The following MGMT variants were observed in gnomAD, a reference collection of about 807,000 sequenced individuals.
MGMT encodes O-6-methylguanine-DNA methyltransferase.
Under a neutral mutation model 15.9 loss-of-function variants are expected in MGMT, and 14 were observed. The ratio of observed to expected loss-of-function variants is 0.88; its 90% CI spans 0.58 to 1.37. The LOEUF is 1.37. Among genes scored for constraint, MGMT ranks in the 40% most tolerant of loss-of-function variants. The pLI is 0.00. For missense variants in MGMT, 282 were observed against 268.1 expected (o/e 1.05, Z -0.36); for synonymous variants, 130 against 118.2 (o/e 1.10, Z -0.65).
intron 3 of MGMT, among the ~76,000 whole-genome samples, chr10:129,730,211 G>A (rs771030456): frequency 3.3e-5 from 5 of 152,104 alleles, no homozygotes; most frequent in Admixed American, 2.0e-4. Context: ...AACCATTGGC[G>A]CATTGAGCAT....
At position 129,673,207 on chromosome 10, in the gene MGMT, C is replaced by T. The variant is rs183807942; in HGVS notation, c.126-34688C>T. On this transcript the variant is annotated intron_variant, in intron 2 of 4. Coordinates refer to ENST00000651593, the MANE Select transcript of MGMT (RefSeq NM_002412.5). ...TCCTGTGCTGCTGTTTCCTCCTGTA[C>T]GCTGGCCCAAAATTGTCGCTGTCTG... 2.9e-3 allele frequency among the ~76,000 whole-genome samples: 447 copies of T among 152,214 alleles called. 2 individuals carry two copies. Among genetic ancestry groups the T allele is most frequent in the African/African-American group, 0.01 (427 of 41,532 alleles).
chr10:129,496,502 A>G (rs529663253), intron 1 of MGMT, among the ~76,000 whole-genome samples: 1 of 152,326 alleles, frequency 6.6e-6, no homozygotes, highest in Admixed American at 6.5e-5. Context: ...TCTGGCTTCC[A>G]TATAAAAATG....
At chr10:129,499,925 G>A (rs1274546132) in intron 1 of MGMT, among the ~76,000 whole-genome samples, 1 of 152,200 alleles carries the variant, frequency 6.6e-6, no homozygotes, top group Admixed American at 6.5e-5. Context: ...TTGGATATAT[G>A]CGTGAAATAA....
At chr10:129,749,871 T>G (rs1411920037) in intron 3 of MGMT, among the ~76,000 whole-genome samples, 1 of 152,126 alleles carries the variant, frequency 6.6e-6, no homozygotes, top group Non-Finnish European at 1.5e-5. Context: ...AAAGACAAAT[T>G]ATGTTAAATA....
Position 129,538,885 on chromosome 10 carries a change from C to T in MGMT, c.125+2508C>T, listed in dbSNP as rs1027584803. 9.8e-5 allele frequency among the ~76,000 whole-genome samples: 15 copies of T among 152,300 alleles called. 1 individual carries two copies. The highest frequency in any genetic ancestry group is 1.3e-4 in the Non-Finnish European group (9 of 68,036). On this transcript the variant is annotated intron_variant, in intron 2 of 4. Transcript: ENST00000651593. ...TCCTGACCTTGTGATCTGCCTGCCT[C>T]GGCCTCCCAAAGTACTGGGATTACA...
intron 3 of MGMT, among the ~76,000 whole-genome samples, chr10:129,710,218 G>C (rs937531784): frequency 6.6e-6 from 1 of 152,186 alleles, no homozygotes; most frequent in African/African-American, 2.4e-5. Flanking sequence ...ACTGGTAAAG[G>C]CTGTCTGGCT....
At chr10:129,766,688 G>GGTGGGCACA in intron 4 of MGMT, 100 bp from the exon 5 acceptor site, 1 of 1,085,198 alleles carries the variant, frequency 9.2e-7, no homozygotes, top group Non-Finnish European at 1.3e-6. Flanking sequence ...GCCCCTGCTT[G>GGTGGGCACA]GTGGGCACAG....
Position 129,746,081 on chromosome 10 carries a change from C to CA in MGMT, c.275-13113dup, listed in dbSNP as rs946612932. Among the ~76,000 whole-genome samples the CA allele has an allele frequency of 6.6e-5, 10 of 151,202 alleles. No individual in the cohort carries two copies. The East Asian group carries it at 9.7e-4, about 15-fold the overall frequency. ...AAACCCTGTCTCTACTAAAAAAATA[C>CA]AAAAAAAATTAGCCAGGCGTGGTGG... On this transcript the variant is annotated intron_variant, in intron 3 of 4. Transcript: ENST00000651593.
chr10:129,661,056 T>C (rs529977265), intron 2 of MGMT, among the ~76,000 whole-genome samples: 1 of 152,334 alleles, frequency 6.6e-6, no homozygotes, highest in South Asian at 2.1e-4. Flanking sequence ...TCCCTGTTCT[T>C]ACCTGCCTTT....
At chr10:129,489,461 C>T (rs1398697824) in intron 1 of MGMT, among the ~76,000 whole-genome samples, 1 of 150,558 alleles carries the variant, frequency 6.6e-6, no homozygotes, top group African/African-American at 2.4e-5. Flanking sequence ...GGGGCCTTTG[C>T]TCATCCATTC....
At chr10:129,575,185 T>C (rs1846465663) in intron 2 of MGMT, among the ~76,000 whole-genome samples, 2 of 152,168 alleles carry the variant, frequency 1.3e-5, no homozygotes, top group Non-Finnish European at 2.9e-5. Flanking sequence ...CAAGCGGACC[T>C]AATAGACATC....
intron 2 of MGMT, among the ~76,000 whole-genome samples, chr10:129,595,719 T>G (rs972764998): frequency 2.2e-4 from 33 of 152,216 alleles, no homozygotes; most frequent in African/African-American, 7.7e-4. Context: ...TTCCAGGTGA[T>G]TTTTCAAATC....
intron 2 of MGMT, among the ~76,000 whole-genome samples, chr10:129,548,993 A>AT (rs1273105375): frequency 2.5e-4 from 38 of 152,226 alleles, no homozygotes; most frequent in African/African-American, 9.2e-4. Flanking sequence ...TCTATAATTG[A>AT]TGTCATAAAT....
intron 3 of MGMT, among the ~76,000 whole-genome samples, chr10:129,729,513 G>A (rs144992264): frequency 1.1e-3 from 175 of 152,242 alleles, no homozygotes; most frequent in African/African-American, 3.7e-3. Context: ...CGTTGGAGCC[G>A]GATTCCATCA....
intron 2 of MGMT, among the ~76,000 whole-genome samples, chr10:129,638,429 C>CAAAAAAAAAAAAAAAAAGAAAAA: frequency 1.6e-5 from 1 of 61,756 alleles, no homozygotes; most frequent in Non-Finnish European, 3.3e-5. Context: ...ACCAAAGAGG[C>CAAAAAAAAAAAAAAAAAGAAAAA]AAAAAAAAAA....
At chr10:129,681,930 A>G (rs1231461132) in intron 2 of MGMT, among the ~76,000 whole-genome samples, 3 of 152,190 alleles carry the variant, frequency 2.0e-5, no homozygotes, top group Admixed American at 6.5e-5. Context: ...TGGACAAACA[A>G]TCTGAACAGA....
chr10:129,507,558 G>C (rs1845638518), intron 1 of MGMT, among the ~76,000 whole-genome samples: 1 of 152,156 alleles, frequency 6.6e-6, no homozygotes, highest in African/African-American at 2.4e-5. Context: ...CCCCAGGAGT[G>C]AGCTCTGCAG....
At chr10:129,488,002 T>TACACACACACACAC (rs1491199847) in intron 1 of MGMT, among the ~76,000 whole-genome samples, 1 of 75,786 alleles carries the variant, frequency 1.3e-5, no homozygotes, top group African/African-American at 4.3e-5. Flanking sequence ...CACACATAGG[T>TACACACACACACAC]ATACACACAC....
Position 129,705,254 on chromosome 10 carries a change from C to T in MGMT, c.126-2641C>T, listed in dbSNP as rs538156525. Among the ~76,000 whole-genome samples, 9 of 152,278 alleles carry T rather than the reference C, an allele frequency of 5.9e-5. No individual in the cohort carries two copies. In the East Asian group the frequency reaches 1.5e-3, roughly 26 times the overall value. On this transcript the variant is annotated intron_variant, in intron 2 of 4. Transcript: ENST00000651593. ...CCAGAACTTTAGATCCCAGCTTTGC[C>T]GTTTTTAATTGTCTCTTGTTAAAAT...
Sources: allele counts gnomAD v4.1 joint callset (sites outside exome capture counted in the v4.1 genomes callset), GRCh38; gene constraint gnomAD v4.1.1; transcripts MANE v1.5; gene names NCBI Gene and HGNC (gene_info 2026-07-23, HGNC 2026-07-21).